AOPEP: variants seen among roughly 807,000 people sequenced by gnomAD.
AOPEP encodes the protein aminopeptidase O.
A neutral mutation model predicts 98.1 loss-of-function variants in AOPEP; 77 were observed. The ratio of observed to expected loss-of-function variants is 0.78; its 90% CI spans 0.65 to 0.95. AOPEP has a LOEUF of 0.95. AOPEP is among the 40% of genes least tolerant of loss of function. AOPEP has a pLI of 0.00. For missense variants in AOPEP, 1,024 were observed against 1,024.7 expected (o/e 1.00, Z 0.01); for synonymous variants, 346 against 365.3 (o/e 0.95, Z 0.60).
chr9:95,141,613 A>C, the AOPEP span, among the ~76,000 whole-genome samples: 1 of 152,208 alleles, frequency 6.6e-6, no homozygotes, highest in Non-Finnish European at 1.5e-5. Context: ...CCTGATTTGT[A>C]AAATGGCTAC....
intron 5 of AOPEP, among the ~76,000 whole-genome samples, chr9:94,839,368 C>G (rs945453198): frequency 6.6e-6 from 1 of 151,926 alleles, no homozygotes; most frequent in Non-Finnish European, 1.5e-5. Context: ...GGATTATAGG[C>G]GTGAGCCAAC....
chr9:94,821,374 A>G (rs903258626), intron 5 of AOPEP, among the ~76,000 whole-genome samples: 2 of 152,332 alleles, frequency 1.3e-5, no homozygotes, highest in Middle Eastern at 3.4e-3. Context: ...TTTTACCACA[A>G]TGAGAAAAAA....
intron 13 of AOPEP, among the ~76,000 whole-genome samples, chr9:95,013,476 TCTC>T (rs1409306572): frequency 3.3e-5 from 5 of 151,554 alleles, no homozygotes; most frequent in African/African-American, 7.3e-5. Context: ...TTCAATATAA[TCTC>T]CTCATTATTC....
At chr9:94,936,195 G>T (rs2056246722) in intron 7 of AOPEP, among the ~76,000 whole-genome samples, 1 of 152,114 alleles carries the variant, frequency 6.6e-6, no homozygotes, top group African/African-American at 2.4e-5. Flanking sequence ...TCATGGTTCT[G>T]CCACCTCCTT....
At chr9:94,966,889 C>T (rs545711334) in intron 9 of AOPEP, among the ~76,000 whole-genome samples, 6 of 152,220 alleles carry the variant, frequency 3.9e-5, no homozygotes, top group African/African-American at 9.6e-5. Context: ...TAAATATAAA[C>T]GAACATTCAT....
the AOPEP span, among the ~76,000 whole-genome samples, chr9:95,120,583 TTTTA>T: frequency 1.3e-5 from 2 of 151,676 alleles, no homozygotes; most frequent in Non-Finnish European, 2.9e-5. Context: ...CCAGCTAATT[TTTTA>T]TTTATTTACT....
chr9:94,989,725 C>T (rs1478089445), intron 11 of AOPEP, among the ~76,000 whole-genome samples: 1 of 151,666 alleles, frequency 6.6e-6, no homozygotes, highest in Non-Finnish European at 1.5e-5. Context: ...GATTCTCCTG[C>T]CTCAGCCTCC....
chr9:95,049,267 A>G (rs1054126151), intron 13 of AOPEP, among the ~76,000 whole-genome samples: 6 of 152,356 alleles, frequency 3.9e-5, no homozygotes, highest in African/African-American at 1.4e-4. Flanking sequence ...GGTGGAGATT[A>G]TAGTTGCTCT....
intron 7 of AOPEP, among the ~76,000 whole-genome samples, chr9:94,947,699 C>T (rs1420096960): frequency 6.6e-6 from 1 of 152,208 alleles, no homozygotes; most frequent in East Asian, 1.9e-4. Context: ...CATTTGATCC[C>T]AAAATGGCCT....
At chr9:94,927,705 C>T (rs2054567677) in intron 6 of AOPEP, among the ~76,000 whole-genome samples, 1 of 152,242 alleles carries the variant, frequency 6.6e-6, no homozygotes, top group Non-Finnish European at 1.5e-5. Context: ...CAGGCCCTGT[C>T]TGTAATGTCC....
chr9:95,100,095 G>T, the AOPEP span: 1 of 232,662 alleles, frequency 4.3e-6, no homozygotes, highest in Non-Finnish European at 8.5e-6. Flanking sequence ...GTCAGAACAG[G>T]AGAGAGGCCC....
intron 13 of AOPEP, among the ~76,000 whole-genome samples, chr9:95,036,410 A>C (rs1283781682): frequency 6.6e-6 from 1 of 152,232 alleles, no homozygotes; most frequent in East Asian, 1.9e-4. Flanking sequence ...ACAAATTCCT[A>C]ATAGTAGTTG....
intron 3 of AOPEP, among the ~76,000 whole-genome samples, chr9:94,788,152 G>T (rs533566862): frequency 9.5e-4 from 144 of 152,064 alleles, no homozygotes; most frequent in South Asian, 2.1e-3. Flanking sequence ...CTCTACTGCA[G>T]CCTGACCTCC....
intron 1 of AOPEP, among the ~76,000 whole-genome samples, chr9:94,740,487 A>T (rs924097446): frequency 2.0e-5 from 3 of 152,176 alleles, no homozygotes; most frequent in African/African-American, 7.2e-5. Context: ...TTAATGCATA[A>T]CCCTTCCAGC....
At chr9:94,935,377 T>C (rs1156446834) in intron 7 of AOPEP, 2 of 152,228 alleles carry the variant, frequency 1.3e-5, no homozygotes, top group Admixed American at 1.3e-4. Context: ...TGTATTTCTT[T>C]ATGGCAATTC....
At chr9:95,030,777 C>T (rs981246559) in intron 13 of AOPEP, among the ~76,000 whole-genome samples, 6 of 152,132 alleles carry the variant, frequency 3.9e-5, no homozygotes, top group Non-Finnish European at 4.4e-5. Context: ...AGTTTGTAGG[C>T]GCAATATGGA....
At chr9:95,001,039 C>G (rs2061530700) in intron 11 of AOPEP, among the ~76,000 whole-genome samples, 1 of 152,152 alleles carries the variant, frequency 6.6e-6, no homozygotes, top group Non-Finnish European at 1.5e-5. Flanking sequence ...TGCCCTGTGG[C>G]CTTCCTGGTG....
At chr9:94,924,202 C>T in intron 6 of AOPEP, 27 bp downstream of exon 6, 1 of 1,324,760 alleles carries the variant, frequency 7.5e-7, no homozygotes, top group South Asian at 2.1e-5. Context: ...CTAAGTATTT[C>T]ACTACCCAGA....
chr9:95,022,676 ATCTT>A (rs2063550856), intron 13 of AOPEP, among the ~76,000 whole-genome samples: 1 of 151,794 alleles, frequency 6.6e-6, no homozygotes, highest in African/African-American at 2.4e-5. Context: ...ATTATTGTCT[ATCTT>A]AATATGTTAG....
Sources: gnomAD v4.1 joint callset for allele counts (sites outside exome capture counted in the v4.1 genomes callset) on GRCh38, gnomAD v4.1.1 for gene constraint, MANE v1.5 for transcripts, NCBI Gene and HGNC (gene_info 2026-07-23, HGNC 2026-07-21) for gene names.